Variants in PPP1R9A observed in about 807,000 individuals in gnomAD.
The protein encoded by PPP1R9A is neurabin-1.
Under a neutral mutation model 141.9 loss-of-function variants are expected in PPP1R9A, and 59 were observed. The ratio of observed to expected loss-of-function variants is 0.42; its 90% CI spans 0.34 to 0.52. The LOEUF (loss-of-function observed/expected upper bound fraction) is 0.52. Ranked by LOEUF, PPP1R9A falls within the 20% of genes least tolerant of loss-of-function variation. The probability of loss-of-function intolerance (pLI) is 0.10; values close to 1 mark genes in which losing one functional copy is unlikely to be tolerated. For missense variants in PPP1R9A, 1,444 were observed against 1,611.9 expected (o/e 0.90, Z 1.78); for synonymous variants, 500 against 569.7 (o/e 0.88, Z 1.74).
At chr7:94,944,788 T>C (rs2150977485) in intron 2 of PPP1R9A, among the ~76,000 whole-genome samples, 1 of 152,240 alleles carries the variant, frequency 6.6e-6, no homozygotes, top group East Asian at 1.9e-4. Flanking sequence ...TGAGAGATAC[T>C]GTAGAATTTT....
chr7:95,260,611 G>A (rs1474518439), intron 12 of PPP1R9A, among the ~76,000 whole-genome samples: 15 of 151,506 alleles, frequency 9.9e-5, no homozygotes, highest in African/African-American at 2.4e-4. Flanking sequence ...CCCGGGAGGC[G>A]GAGGTTGCAG....
intron 2 of PPP1R9A, among the ~76,000 whole-genome samples, chr7:94,995,584 C>T (rs1563095590): frequency 6.6e-6 from 1 of 151,784 alleles, no homozygotes; most frequent in African/African-American, 2.4e-5. Context: ...TTTCTGTACT[C>T]TACTGTTAAT....
At chr7:95,004,335 A>C (rs1032319878) in intron 2 of PPP1R9A, among the ~76,000 whole-genome samples, 1 of 151,740 alleles carries the variant, frequency 6.6e-6, no homozygotes, top group African/African-American at 2.4e-5. Context: ...TATGACGGCC[A>C]AAAAAAAGCT....
At chr7:94,927,961 C>A (rs1793684519) in intron 2 of PPP1R9A, among the ~76,000 whole-genome samples, 1 of 152,100 alleles carries the variant, frequency 6.6e-6, no homozygotes. Flanking sequence ...GTTATGAATA[C>A]TTACACTGGG....
At chr7:94,955,972 T>G (rs1007811672) in intron 2 of PPP1R9A, among the ~76,000 whole-genome samples, 41 of 152,114 alleles carry the variant, frequency 2.7e-4, no homozygotes. Context: ...TGCTGCCAGG[T>G]TTGCCTGCCT....
Position 95,286,180 on chromosome 7 carries a change from A to T in PPP1R9A, c.3610-26A>T, listed in dbSNP as rs368851234. On this transcript the variant is annotated intron_variant, in intron 17 of 19. Transcript: ENST00000433360. ...CTTGCTCACTCACTGCACTCATTTA[A>T]CACTGAGCTTCATTTATTTTTACAG... The T allele has an allele frequency of 3.9e-5, 63 of 1,610,470 alleles. No individual in the cohort carries two copies. The African/African-American group carries it at 8.2e-4, about 21-fold the overall frequency.
intron 12 of PPP1R9A, among the ~76,000 whole-genome samples, chr7:95,264,931 AC>A (rs1466030093): frequency 6.6e-6 from 1 of 152,198 alleles, no homozygotes; most frequent in Non-Finnish European, 1.5e-5. Flanking sequence ...AATATTATTG[AC>A]TAAAATATCT....
chr7:95,106,709 A>G (rs1045559355), intron 2 of PPP1R9A, among the ~76,000 whole-genome samples: 1 of 152,224 alleles, frequency 6.6e-6, no homozygotes, highest in African/African-American at 2.4e-5. Flanking sequence ...AAAGACATTT[A>G]CATTTAAAAT....
intron 2 of PPP1R9A, among the ~76,000 whole-genome samples, chr7:95,107,193 T>C (rs923159151): frequency 2.6e-5 from 4 of 152,232 alleles, no homozygotes; most frequent in Non-Finnish European, 4.4e-5. Context: ...CTTTATATCA[T>C]TAATTGGACA....
At chr7:95,021,047 C>T (rs1286460009) in intron 2 of PPP1R9A, among the ~76,000 whole-genome samples, 9 of 152,248 alleles carry the variant, frequency 5.9e-5, no homozygotes, top group East Asian at 5.8e-4. Flanking sequence ...GAGGAATCGC[C>T]GCACTGTCTT....
chr7:95,088,129 G>A (rs759629383), intron 2 of PPP1R9A, among the ~76,000 whole-genome samples: 6 of 151,952 alleles, frequency 3.9e-5, no homozygotes, highest in African/African-American at 4.8e-5. Context: ...CCAAGAAAAA[G>A]AAATGTTGGC....
chr7:95,202,882 A>G (rs982453855), intron 6 of PPP1R9A, among the ~76,000 whole-genome samples: 13 of 152,098 alleles, frequency 8.5e-5, no homozygotes, highest in African/African-American at 3.1e-4. Flanking sequence ...GAAAATAGGT[A>G]TGGTCATTGA....
chr7:94,952,034 T>G lies in PPP1R9A; in HGVS notation c.1395+40526T>G, dbSNP rs796436429. On this transcript the variant is annotated intron_variant, in intron 2 of 19. Coordinates refer to ENST00000433360, the MANE Select transcript of PPP1R9A (RefSeq NM_001166160.2). ...CAGGTTTGTTACATAGGTATACATG[T>G]GCCGTGGTGGTTTGCTGCACCCATC... 6.6e-4 allele frequency among the ~76,000 whole-genome samples: 91 copies of G among 138,084 alleles called. 1 individual carries two copies. The highest frequency in any genetic ancestry group is 2.1e-3 in the African/African-American group (87 of 40,528). The allele number at this position is 138,084 out of a possible 152,430, so 90.6% of individuals were successfully genotyped here. A position where few individuals can be genotyped will look rare whatever the true frequency, so the allele number is the denominator to read the frequency against.
chr7:95,179,763 CT>C (rs1262313358), intron 5 of PPP1R9A, among the ~76,000 whole-genome samples: 4 of 116,674 alleles, frequency 3.4e-5, no homozygotes, highest in Non-Finnish European at 5.1e-5. Context: ...AACTCAACCC[CT>C]TTTACAATAG....
chr7:95,247,188 G>T (rs964504488), intron 8 of PPP1R9A, among the ~76,000 whole-genome samples: 2 of 152,152 alleles, frequency 1.3e-5, no homozygotes, highest in Non-Finnish European at 2.9e-5. Context: ...AATCATAAAG[G>T]AAGAGCTGCA....
At chr7:94,956,597 G>A (rs1797097504) in intron 2 of PPP1R9A, among the ~76,000 whole-genome samples, 1 of 152,062 alleles carries the variant, frequency 6.6e-6, no homozygotes, top group South Asian at 2.1e-4. Flanking sequence ...GCTGAGGTAG[G>A]AAGATAGCTT....
intron 2 of PPP1R9A, among the ~76,000 whole-genome samples, chr7:95,006,778 T>C (rs73425096): frequency 0.025 from 3,785 of 152,314 alleles, 174 homozygotes; most frequent in African/African-American, 0.086. Flanking sequence ...CAGGGTTTAT[T>C]TGCTAATAGC....
chr7:94,916,258 T>C (rs1374752424), intron 2 of PPP1R9A, among the ~76,000 whole-genome samples: 2 of 152,214 alleles, frequency 1.3e-5, no homozygotes, highest in African/African-American at 4.8e-5. Flanking sequence ...TATAATAGAA[T>C]TTCATATTCT....
chr7:95,027,050 C>T (rs751414913), intron 2 of PPP1R9A, among the ~76,000 whole-genome samples: 1 of 152,100 alleles, frequency 6.6e-6, no homozygotes, highest in Non-Finnish European at 1.5e-5. Flanking sequence ...TGAGCTAGAC[C>T]ACTTGGCTCC....
Sources: allele counts gnomAD v4.1 joint callset (sites outside exome capture counted in the v4.1 genomes callset), GRCh38; gene constraint gnomAD v4.1.1; transcripts MANE v1.5; gene names NCBI Gene and HGNC (gene_info 2026-07-23, HGNC 2026-07-21).